CDH24: variants seen among roughly 807,000 people sequenced by gnomAD.
CDH24 encodes the protein cadherin-24.
A neutral mutation model predicts 71.2 loss-of-function variants in CDH24; 61 were observed. That is an observed-to-expected ratio of 0.86 (90% CI 0.70 to 1.06). The LOEUF is 1.06. CDH24 is among the 50% of genes least tolerant of loss of function. The probability of loss-of-function intolerance (pLI) is 0.00; values close to 1 mark genes in which losing one functional copy is unlikely to be tolerated. For missense variants in CDH24, 961 were observed against 1,083.7 expected (o/e 0.89, Z 1.59); for synonymous variants, 440 against 470.2 (o/e 0.94, Z 0.83).
chr14:23,050,067 A>AT, intron 8 of CDH24, 124 bp from the exon 9 acceptor site: 5 of 1,294,634 alleles, frequency 3.9e-6, no homozygotes, highest in African/African-American at 1.5e-5. Flanking sequence ...CACATGAAAT[A>AT]TGCATGTAAT....
intron 10 of CDH24, 54 bp downstream of exon 10, chr14:23,049,567 TGGAGGA>T (rs2047068855): frequency 2.0e-6 from 2 of 1,020,740 alleles, no homozygotes; most frequent in Admixed American, 2.3e-5. Flanking sequence ...GGGCTAGGGG[TGGAGGA>T]GGAGGAGAAG....
At position 23,054,751 on chromosome 14, in the gene CDH24, C is replaced by G; in HGVS notation, c.612G>C (p.Gln204His). Residue 204 changes from glutamine (Q) to histidine (H), a missense_variant, in exon 4 of 13, where the codon CAG becomes CAC. Physicochemically the swap from Gln to His is conservative, Grantham distance 24 (BLOSUM62 0). This residue lies in a region of CDH24 where 671 missense variants were observed against 810.9 expected (regional missense o/e 0.83). Transcript: ENST00000487137. The surrounding 1 kb of genome is among the most constrained non-coding windows in gnomAD (Gnocchi z 5.2). ...GCTCCCAGGCTCCATCCTCACCAGTCTGGGGGTCCACAGAGAAGAAAGGCA... is the reference window on the plus strand; with the variant it reads ...GCTCCCAGGCTCCATCCTCACCAGTGTGGGGGTCCACAGAGAAGAAAGGCA... ...DGLPFFSVDP[Q>H]TGVVRTAIPN... 1.2e-6 allele frequency: 2 copies of G among 1,614,156 alleles called. No homozygotes were observed. The highest frequency in any genetic ancestry group is 1.7e-6 in the Non-Finnish European group (2 of 1,180,016).
chr14:23,052,577 C>A lies in CDH24; in HGVS notation c.1259G>T (p.Arg420Leu). 6.2e-7 allele frequency: 1 copy of A among 1,613,964 alleles called. No individual in the cohort carries two copies. Among genetic ancestry groups the A allele is most frequent in the South Asian group, 1.1e-5 (1 of 91,088 alleles). Residue 420 changes from arginine to leucine, a missense_variant, in exon 8 of 13, where the codon CGT becomes CTT. This residue lies in a region of CDH24 where 671 missense variants were observed against 810.9 expected (regional missense o/e 0.83). Transcript: ENST00000487137. ...TTCCTCGGGCTGGATAGAGAAGCAA[C>A]GCTCCGGATCTGAGTGGGGGAGGAT... ...YSILPHSDPE[R>L]CFSIQPEEGT... is the part of the protein sequence containing the mutation.
Position 23,047,476 on chromosome 14 carries a change from C to T in CDH24, c.*504G>A, listed in dbSNP as rs1016120918. The T allele has an allele frequency of 1.3e-5, 2 of 152,870 alleles. No individual in the cohort carries two copies. The highest frequency in any genetic ancestry group is 2.9e-5 in the Non-Finnish European group (2 of 68,432). 9.5% of individuals were successfully genotyped at this position (152,870 alleles called of 1,614,324 possible). On this transcript the variant is annotated 3_prime_UTR_variant, in exon 12 of 13. Transcript: ENST00000487137. ...GGGCACTGACCTGGGGCACAACATC[C>T]CCTGCAGGAGGGTGGGCAGCAGTGG... is the stretch of plus-strand genomic sequence containing the variant.
chr14:23,048,058 C>T lies in CDH24; in HGVS notation c.2268G>A (p.Ala756=), dbSNP rs2047054472. The T allele has an allele frequency of 1.4e-6, 2 of 1,442,160 alleles. No homozygotes were observed. Among genetic ancestry groups the T allele is most frequent in the Non-Finnish European group, 1.8e-6 (2 of 1,102,294 alleles). 89.3% of individuals were successfully genotyped at this position (1,442,160 alleles called of 1,614,324 possible). The change falls in exon 12 of 13, where the codon GCG becomes GCA. Residue 756 remains alanine (A), a synonymous_variant. Coordinates refer to ENST00000487137, the MANE Select transcript of CDH24 (RefSeq NM_144985.4). ...GCGGACCCCAGTCGTCCAGCGGCTC[C>T]GCGGGGCCGGGGGCGCCGCCGGCTT... The part of the protein sequence containing the change: ...GSEAGGAPGP[A]EPLDDWGPLF...
In CDH24 at chr14:23,054,798, C is replaced by G. The variant is rs1238560003; in HGVS notation, c.565G>C (p.Val189Leu). 1 of 1,613,958 alleles carries G rather than the reference C, an allele frequency of 6.2e-7. No individual in the cohort carries two copies. Among genetic ancestry groups the G allele is most frequent in the Non-Finnish European group, 8.5e-7 (1 of 1,180,030 alleles). Residue 189 changes from valine to leucine, a missense_variant, in exon 4 of 13, where the codon GTG becomes CTG. Physicochemically the swap from Val to Leu is conservative, Grantham distance 32. Transcript: ENST00000487137. This position sits in a 1 kb window ranked among gnomAD's most constrained non-coding sequence, Gnocchi z 5.2. ...DPSYGNSAKL[V>L]YTVLDGLPFF... ...GGCAGTCCATCCAGAACAGTGTACA[C>G]CAGCTTGGCACTGTTCCCATAGCTG...
rs760390286 is a variant in CDH24 at position 23,048,458 on chromosome 14, G to T, written c.1868C>A (p.Ala623Asp). 8 of 1,608,704 alleles carry T rather than the reference G, an allele frequency of 5.0e-6. No individual in the cohort carries two copies. In the African/African-American group the frequency reaches 1.1e-4, roughly 21 times the overall value. Reference sequence around the variant, plus strand: ...TGCTTCTTGCTTCTGCCGCCGCAGGGCCACGAAGAGCACCACCAGGGCTGC... The same window carrying T: ...TGCTTCTTGCTTCTGCCGCCGCAGGTCCACGAAGAGCACCACCAGGGCTGC... Reference protein sequence around the residue: ...ALLALVVLFVALRRQKQEALM... With the variant: ...ALLALVVLFVDLRRQKQEALM... The change falls in exon 12 of 13, where the codon GCC (alanine) becomes GAC (aspartate). Residue 623 changes from alanine (A) to aspartate (D), a missense_variant. Around this residue, in one of 2 missense-constraint regions of CDH24, gnomAD observed 290 missense variants for 272.8 expected, o/e 1.06. Transcript: ENST00000487137.
chr14:23,052,360 G>A (rs2047090934), intron 8 of CDH24, 113 bp downstream of exon 8: 2 of 1,143,738 alleles, frequency 1.7e-6, no homozygotes, highest in South Asian at 2.6e-5. Flanking sequence ...GGACTCAGTG[G>A]CCGCACGCTG....
Position 23,047,656 on chromosome 14 carries a change from G to GA in CDH24, c.*323dup, listed in dbSNP as rs1450258079. On this transcript the variant is annotated 3_prime_UTR_variant, in exon 12 of 13. Transcript: ENST00000487137. Reference sequence around the variant, plus strand: ...GCAGGGAGACTATGTGTGAGCTTCAGAACTGCAGAGACAAAACGCCACGGA... The same window carrying GA: ...GCAGGGAGACTATGTGTGAGCTTCAGAAACTGCAGAGACAAAACGCCACGGA... 8.5e-6 allele frequency: 2 copies of GA among 236,100 alleles called. No homozygotes were observed. The highest frequency in any genetic ancestry group is 4.5e-5 in the African/African-American group (2 of 44,018). 14.6% of individuals were successfully genotyped at this position (236,100 alleles called of 1,614,324 possible).
Position 23,049,372 on chromosome 14 carries a change from C to T in CDH24, c.1598-97G>A, listed in dbSNP as rs991521458. On this transcript the variant is annotated intron_variant, in intron 10 of 12. Transcript: ENST00000487137. ...CCAGCTTCCCATAGAGCCAGCCCCC[C>T]ATAGAGCCAGCCCATAGGTCCAGCC... The T allele has an allele frequency of 1.2e-5, 15 of 1,224,336 alleles. No homozygotes were observed. In the East Asian group the frequency reaches 3.3e-4, roughly 27 times the overall value. The allele number at this position is 1,224,336 out of a possible 1,614,324, so 75.8% of individuals were successfully genotyped here.
rs886538769 is a variant in CDH24, at chr14:23,051,428, G to A, written c.1363+1045C>T. Among the ~76,000 whole-genome samples the A allele has an allele frequency of 6.6e-6, 1 of 152,168 alleles. No individual in the cohort carries two copies. The highest frequency in any genetic ancestry group is 1.5e-5 in the Non-Finnish European group (1 of 68,032). The stretch of plus-strand genomic sequence containing the variant: ...ATTAAATGAATGAATCCATTTTGAA[G>A]ATGAATAGTGCCTGATAAACAATAA... On this transcript the variant is annotated intron_variant, in intron 8 of 12. Transcript: ENST00000487137. This position sits in a 1 kb window ranked among gnomAD's most constrained non-coding sequence, Gnocchi z 4.4.
Position 23,053,498 on chromosome 14 carries a change from G to A in CDH24, c.1224C>T (p.Ile408=). 6.4e-7 allele frequency: 1 copy of A among 1,570,934 alleles called. No individual in the cohort carries two copies. The highest frequency in any genetic ancestry group is 1.2e-5 in the South Asian group (1 of 86,454). Residue 408 remains isoleucine (I), a splice_region_variant and synonymous_variant, in exon 7 of 13, where the codon ATC becomes ATT. Coordinates refer to ENST00000487137, the MANE Select transcript of CDH24 (RefSeq NM_144985.4). ...AGCCCACATCCCAGCTCACCTACCTGATTGGGCTGGCAGGGGAGTCCAGGT... is the reference window on the plus strand; with the variant it reads ...AGCCCACATCCCAGCTCACCTACCTAATTGGGCTGGCAGGGGAGTCCAGGT... ...AADLDSPASP[I]RYSILPHSDP... is the part of the protein sequence containing the mutation.
At position 23,051,948 on chromosome 14, in the gene CDH24, C is replaced by T; in HGVS notation, c.1363+525G>A. On this transcript the variant is annotated intron_variant, in intron 8 of 12. Coordinates refer to ENST00000487137, the MANE Select transcript of CDH24 (RefSeq NM_144985.4). This position sits in a 1 kb window ranked among gnomAD's most constrained non-coding sequence, Gnocchi z 4.4. The stretch of plus-strand genomic sequence containing the variant: ...TATGGAGCTGGCACTCCTCCCCTTC[C>T]TTATGGTGTCCACTCCCCTACCTTG... 7.2e-7 allele frequency: 1 copy of T among 1,394,184 alleles called. No individual in the cohort carries two copies. The highest frequency in any genetic ancestry group is 9.9e-7 in the Non-Finnish European group (1 of 1,012,634). 86.4% of individuals were successfully genotyped at this position (1,394,184 alleles called of 1,614,324 possible).
In CDH24 at chr14:23,055,832, G is replaced by C. The variant is rs1319363674; in HGVS notation, c.-99C>G. 3.0e-6 allele frequency: 3 copies of C among 1,010,450 alleles called. No individual in the cohort carries two copies. The Admixed American group carries it at 8.7e-5, about 29-fold the overall frequency. The allele number at this position is 1,010,450 out of a possible 1,614,324, so 62.6% of individuals were successfully genotyped here. ...CTGGCTGGGGTGGAGGGGCAGATGC[G>C]TTGAGGCTACCCCATGGATCCACAC... On this transcript the variant is annotated 5_prime_UTR_variant, in exon 2 of 13. Transcript: ENST00000487137. This position sits in a 1 kb window ranked among gnomAD's most constrained non-coding sequence, Gnocchi z 4.1.
In CDH24 at chr14:23,053,765, A is replaced by G. The variant is rs1423176809; in HGVS notation, c.973-16T>C. The G allele has an allele frequency of 6.3e-7, 1 of 1,581,500 alleles. No homozygotes were observed. The highest frequency in any genetic ancestry group is 1.7e-5 in the Admixed American group (1 of 59,000). On this transcript the variant is annotated splice_polypyrimidine_tract_variant and intron_variant, in intron 6 of 12. Coordinates refer to ENST00000487137, the MANE Select transcript of CDH24 (RefSeq NM_144985.4). ...AGTCTAGGGGCTATGGTGAGGGGAG[A>G]GGGAGAAAAAGTGAGGCATGTGGAA...
rs147450903 is a variant in CDH24 at position 23,052,512 on chromosome 14, G to A, written c.1324C>T (p.Arg442Cys). 3.5e-5 allele frequency: 57 copies of A among 1,613,956 alleles called. No homozygotes were observed. The highest frequency in any genetic ancestry group is 1.2e-4 in the South Asian group (11 of 91,094). The change falls in exon 8 of 13, where the codon CGC becomes TGC. Residue 442 changes from arginine to cysteine, a missense_variant. By Grantham distance (180) the Arg-to-Cys change is radical. Around this residue, in one of 2 missense-constraint regions of CDH24, gnomAD observed 671 missense variants for 810.9 expected, o/e 0.83. Transcript: ENST00000487137. ...AGCACAGTGAGGTTGTGCCAGGCGC[G>A]AGCCTCGCGATCCAGGGGTGCTGCT... ...HTAAPLDREARAWHNLTVLAT... is the reference protein window; with the variant it reads ...HTAAPLDREACAWHNLTVLAT...
rs780336364 is a variant in CDH24 at position 23,054,678 on chromosome 14, GGA to G, written c.617-7_617-6del. On this transcript the variant is annotated splice_region_variant and splice_polypyrimidine_tract_variant and intron_variant, in intron 4 of 12. Coordinates refer to ENST00000487137, the MANE Select transcript of CDH24 (RefSeq NM_144985.4). This position sits in a 1 kb window ranked among gnomAD's most constrained non-coding sequence, Gnocchi z 5.2. ...GGATGGCTGTACGCACCACTCCTAGGGAGAGATGCTGGTCAGAGGGTGTCTGT... is the reference window on the plus strand; with the variant it reads ...GGATGGCTGTACGCACCACTCCTAGGGAGATGCTGGTCAGAGGGTGTCTGT... 15 of 1,613,882 alleles carry G rather than the reference GGA, an allele frequency of 9.3e-6. No homozygotes were observed. Among genetic ancestry groups the G allele is most frequent in the Non-Finnish European group, 2.5e-6 (3 of 1,179,950 alleles).
In CDH24 at chr14:23,048,281, C is replaced by T. The variant is rs761662668; in HGVS notation, c.2045G>A (p.Arg682Gln). ...CACCCGGGCCCGGGGCAACACGTCT[C>T]GGCGCGCGGGAGGGCCGGGCGCCGG... ...APPAPGPPAR[R>Q]DVLPRARVSR... The change falls in exon 12 of 13, where the codon CGA becomes CAA. Residue 682 changes from arginine to glutamine, a missense_variant. Around this residue, in one of 2 missense-constraint regions of CDH24, gnomAD observed 290 missense variants for 272.8 expected, o/e 1.06. Transcript: ENST00000487137. The T allele has an allele frequency of 1.3e-6, 2 of 1,570,630 alleles. No homozygotes were observed. Among genetic ancestry groups the T allele is most frequent in the South Asian group, 2.3e-5 (2 of 88,190 alleles).
chr14:23,049,857 C>T lies in CDH24; in HGVS notation c.1450G>A (p.Asp484Asn), dbSNP rs765979042. 41 of 1,614,006 alleles carry T rather than the reference C, an allele frequency of 2.5e-5. 3 individuals carry two copies. The highest frequency in any genetic ancestry group is 3.3e-4 in the Middle Eastern group (2 of 6,062). The change falls in exon 9 of 13, where the codon GAT becomes AAT. Residue 484 changes from aspartate (D) to asparagine (N), a missense_variant. Around this residue, in one of 2 missense-constraint regions of CDH24, gnomAD observed 671 missense variants for 810.9 expected, o/e 0.83. Coordinates refer to ENST00000487137, the MANE Select transcript of CDH24 (RefSeq NM_144985.4). ...GCTGCAGAGTCACACACAAAAGTATCGTAGGGCTCAGCCAGCTGGGGAGCA... is the reference window on the plus strand; with the variant it reads ...GCTGCAGAGTCACACACAAAAGTATTGTAGGGCTCAGCCAGCTGGGGAGCA... ...DNAPQLAEPY[D>N]TFVCDSAAPG...
Sources: gnomAD v4.1 joint callset for allele counts (sites outside exome capture counted in the v4.1 genomes callset) on GRCh38, gnomAD v4.1.1 for gene constraint, gnomAD v4.1.1 regional missense constraint, Gnocchi (gnomAD v3.1) non-coding constraint, MANE v1.5 for transcripts, NCBI Gene and HGNC (gene_info 2026-07-23, HGNC 2026-07-21) for gene names.